Variants in PCDHA1 observed in about 807,000 individuals in gnomAD.
The protein encoded by PCDHA1 is protocadherin alpha-1.
Under a neutral mutation model 61.3 loss-of-function variants are expected in PCDHA1, and 42 were observed. That is an observed-to-expected ratio of 0.69 (90% CI 0.54 to 0.89). The LOEUF is 0.89. Ranked by LOEUF, PCDHA1 falls within the 40% of genes least tolerant of loss-of-function variation. The pLI is 0.00. For synonymous variants in PCDHA1, 610 were observed against 553.8 expected, an observed-to-expected ratio of 1.10 and a Z score of -1.43; for missense variants, 1,256 against 1,235.3, an observed-to-expected ratio of 1.02 and a Z score of -0.25.
intron 1 of PCDHA1, chr5:140,809,254 C>T (rs782355919): frequency 2.5e-6 from 4 of 1,613,946 alleles, no homozygotes; most frequent in South Asian, 2.2e-5. Flanking sequence ...CTGTGGGTCC[C>T]GATGCTGCGC....
intron 1 of PCDHA1, chr5:140,809,425 G>T: frequency 6.2e-7 from 1 of 1,614,230 alleles, no homozygotes; most frequent in Non-Finnish European, 8.5e-7. Context: ...GTGCGGTGGG[G>T]AGCTGGTCAT....
At chr5:140,913,959 T>TA (rs1562996315) in intron 1 of PCDHA1, among the ~76,000 whole-genome samples, 4 of 152,166 alleles carry the variant, frequency 2.6e-5, no homozygotes, top group African/African-American at 7.2e-5. Context: ...GATATCATTT[T>TA]TAAAAAAATA....
chr5:140,801,228 G>A (rs1762661058), intron 1 of PCDHA1: 12 of 1,612,074 alleles, frequency 7.4e-6, no homozygotes, highest in Non-Finnish European at 1.0e-5. Context: ...AGATCCTGGA[G>A]CCCAGTGCCT....
chr5:140,824,904 GT>G (rs1353981890), intron 1 of PCDHA1: 6 of 152,018 alleles, frequency 3.9e-5, no homozygotes, highest in Non-Finnish European at 7.4e-5. Flanking sequence ...TGCCTAAGCA[GT>G]TCACCTGTAT....
chr5:140,859,016 T>C (rs926930282), intron 1 of PCDHA1: 1 of 151,606 alleles, frequency 6.6e-6, no homozygotes, highest in African/African-American at 2.4e-5. Context: ...TCTTAGCAAT[T>C]AAGTTAAATG....
intron 1 of PCDHA1, among the ~76,000 whole-genome samples, chr5:140,904,491 T>G (rs2071172626): frequency 6.6e-6 from 1 of 151,972 alleles, no homozygotes; most frequent in Non-Finnish European, 1.5e-5. Context: ...TGATTCCAAA[T>G]TTTTACAATT....
At chr5:140,817,849 A>G (rs2150099349) in intron 1 of PCDHA1, among the ~76,000 whole-genome samples, 3 of 152,150 alleles carry the variant, frequency 2.0e-5, no homozygotes, top group Admixed American at 2.0e-4. Context: ...ATCACTTTTG[A>G]GAAACAGTTT....
intron 1 of PCDHA1, chr5:140,836,571 G>T: frequency 6.2e-7 from 1 of 1,613,712 alleles, no homozygotes; most frequent in South Asian, 1.1e-5. Flanking sequence ...GTCCTCTGAG[G>T]GCGCATGTAG....
At position 140,856,829 on chromosome 5, in the gene PCDHA1, A is replaced by G. The variant is rs781823533; in HGVS notation, c.2394+68145A>G. The G allele has an allele frequency of 3.4e-5, 54 of 1,592,340 alleles. 7 individuals are homozygous for G. The highest frequency in any genetic ancestry group is 4.6e-5 in the Non-Finnish European group (54 of 1,162,524). ...AAATCAAGTGAACCAAACATTAGTA[A>G]TACGGCTCAACGCTTCTGATTCGGA... On this transcript the variant is annotated intron_variant, in intron 1 of 3. Coordinates refer to ENST00000504120, the MANE Select transcript of PCDHA1 (RefSeq NM_018900.4).
At chr5:140,807,548 G>C in intron 1 of PCDHA1, 2 of 1,614,176 alleles carry the variant, frequency 1.2e-6, no homozygotes, top group African/African-American at 1.3e-5. Flanking sequence ...CCATGTGGAC[G>C]TGGAGGTGAG....
Position 140,831,077 on chromosome 5 carries a change from G to A in PCDHA1, c.2394+42393G>A, listed in dbSNP as rs2150191421. The A allele has an allele frequency of 5.9e-5, 9 of 152,244 alleles. No individual in the cohort carries two copies. The South Asian group carries it at 8.3e-4, about 14-fold the overall frequency. The allele number at this position is 152,244 out of a possible 1,614,324, so 9.4% of individuals were successfully genotyped here. ...ATTGTCCCCCTTTTAAACCATTGAG[G>A]AATAAAGGACAAAAACAATAGTTAT... On this transcript the variant is annotated intron_variant, in intron 1 of 3. Coordinates refer to ENST00000504120, the MANE Select transcript of PCDHA1 (RefSeq NM_018900.4).
intron 1 of PCDHA1, chr5:140,797,565 G>A (rs956098163): frequency 5.9e-6 from 4 of 678,988 alleles, no homozygotes; most frequent in Admixed American, 6.5e-5. Context: ...TTACATTTTG[G>A]CACTTCCATC....
chr5:140,842,051 C>T (rs2150328197), intron 1 of PCDHA1: 3 of 1,613,736 alleles, frequency 1.9e-6, no homozygotes, highest in Non-Finnish European at 2.5e-6. Flanking sequence ...CACTTTCGAA[C>T]AGTCTGAATA....
intron 3 of PCDHA1, among the ~76,000 whole-genome samples, chr5:141,000,885 G>C (rs1213239926): frequency 6.6e-6 from 1 of 151,922 alleles, no homozygotes; most frequent in African/African-American, 2.4e-5. Context: ...TCCAACCTGG[G>C]CAACAGATAT....
chr5:140,835,133 A>G, intron 1 of PCDHA1: 2 of 1,375,436 alleles, frequency 1.5e-6, no homozygotes, highest in Non-Finnish European at 2.0e-6. Flanking sequence ...ATACGGTGAA[A>G]TTACCAGAAA....
rs2150175965 is a variant in PCDHA1, at chr5:140,829,844, C to G, written c.2394+41160C>G. On this transcript the variant is annotated intron_variant, in intron 1 of 3. Coordinates refer to ENST00000504120, the MANE Select transcript of PCDHA1 (RefSeq NM_018900.4). ...AGTGAGCGAGCTGGTGCCGCGGTCACTGGGTGCAGGCCAAGTGGTGGCGAA... is the reference window on the plus strand; with the variant it reads ...AGTGAGCGAGCTGGTGCCGCGGTCAGTGGGTGCAGGCCAAGTGGTGGCGAA... 17,404 of 1,613,920 alleles carry G rather than the reference C, an allele frequency of 0.011. 1,610 individuals are homozygous for G. In the African/African-American group the frequency reaches 0.2, roughly 19 times the overall value.
chr5:140,865,785 T>C (rs2049000599), intron 1 of PCDHA1: 1 of 152,188 alleles, frequency 6.6e-6, no homozygotes, highest in South Asian at 2.1e-4. Flanking sequence ...ATGTGTATCT[T>C]TCAGGCTTCA....
At chr5:140,906,443 G>GAAATAA (rs1554192538) in intron 1 of PCDHA1, among the ~76,000 whole-genome samples, 1 of 152,068 alleles carries the variant, frequency 6.6e-6, no homozygotes, top group Non-Finnish European at 1.5e-5. Flanking sequence ...AACAAGAAAG[G>GAAATAA]AAATAAAATG....
chr5:140,866,671 G>A (rs2049487363), intron 1 of PCDHA1: 1 of 152,084 alleles, frequency 6.6e-6, no homozygotes, highest in Admixed American at 6.5e-5. Context: ...AGAAATAATA[G>A]CACTAGGTCT....
Sources: allele counts gnomAD v4.1 joint callset (sites outside exome capture counted in the v4.1 genomes callset), GRCh38; gene constraint gnomAD v4.1.1; transcripts MANE v1.5; gene names NCBI Gene and HGNC (gene_info 2026-07-23, HGNC 2026-07-21).